SYNE1: variants seen among roughly 807,000 people sequenced by gnomAD.
SYNE1 encodes nesprin-1.
A neutral mutation model predicts 1,111.0 loss-of-function variants in SYNE1; 616 were observed. The observed-to-expected ratio is 0.55, with a 90% CI of 0.52 to 0.59. The LOEUF (loss-of-function observed/expected upper bound fraction) is 0.59, where lower values mean the gene tolerates loss of function less well. Among genes scored for constraint, SYNE1 ranks in the 20% least tolerant of loss-of-function variants. The pLI is 0.00. For synonymous variants in SYNE1, 3,855 were observed against 3,825.8 expected (o/e 1.01, Z -0.28); for missense variants, 10,006 against 10,417.0 (o/e 0.96, Z 1.72).
Position 152,462,803 on chromosome 6 carries a change from T to C in SYNE1, c.2185A>G (p.Lys729Glu), listed in dbSNP as rs747623591. The change falls in exon 20 of 146, where the codon AAG (lysine) becomes GAG (glutamate). Residue 729 changes from lysine (K) to glutamate (E), a missense_variant. Coordinates refer to ENST00000367255, the MANE Select transcript of SYNE1 (RefSeq NM_182961.4). ...TLSAFATEAH[K>E]KLSEPLEVSF... is the part of the protein sequence containing the mutation. ...ACTTCTAAGGGTTCAGAAAGTTTCT[T>C]ATGGGCTTCCGTTGCAAAAGCAGAC... The C allele has an allele frequency of 2.5e-6, 4 of 1,613,960 alleles. No homozygotes were observed. In the Admixed American group the frequency reaches 6.7e-5, roughly 27 times the overall value.
chr6:152,336,620 T>G (rs148616406), intron 76 of SYNE1: 7,759 of 613,610 alleles, frequency 0.013, 84 homozygotes, highest in Middle Eastern at 0.018. Context: ...GTTCAGGCAT[T>G]AATGCTTGCT....
chr6:152,325,007 G>C, intron 81 of SYNE1, 77 bp downstream of exon 81: 1 of 1,543,328 alleles, frequency 6.5e-7, no homozygotes, highest in Non-Finnish European at 8.9e-7. Context: ...ACTTCAAAAA[G>C]GGGCAAAATA....
intron 95 of SYNE1, among the ~76,000 whole-genome samples, chr6:152,285,273 G>A (rs1259871481): frequency 1.3e-5 from 2 of 152,012 alleles, no homozygotes; most frequent in African/African-American, 4.8e-5. Flanking sequence ...AATATATCTT[G>A]TATATCTGAA....
chr6:152,206,454 T>C, intron 125 of SYNE1, 92 bp from the exon 126 acceptor site: 1 of 1,405,428 alleles, frequency 7.1e-7, no homozygotes, highest in Non-Finnish European at 9.9e-7. Flanking sequence ...TTTTGCCCTC[T>C]TTCATCCAGC....
chr6:152,184,642 A>T (rs539511567), intron 128 of SYNE1, among the ~76,000 whole-genome samples: 7 of 144,426 alleles, frequency 4.8e-5, no homozygotes, highest in African/African-American at 1.8e-4. Flanking sequence ...ATAGATAGAT[A>T]GATAGATAGA....
intron 4 of SYNE1, among the ~76,000 whole-genome samples, chr6:152,535,781 T>C (rs1321927530): frequency 6.6e-6 from 1 of 152,232 alleles, no homozygotes; most frequent in Admixed American, 6.5e-5. Flanking sequence ...GATTGTTCCC[T>C]TTGGGTGGCT....
intron 3 of SYNE1, among the ~76,000 whole-genome samples, chr6:152,541,747 C>CAAAAAA (rs1267855271): frequency 2.5e-4 from 15 of 60,246 alleles, no homozygotes; most frequent in Non-Finnish European, 3.6e-4. Context: ...GACTCCATCT[C>CAAAAAA]AAAAAAAAAA....
chr6:152,463,977 T>C (rs1192004745), intron 18 of SYNE1, among the ~76,000 whole-genome samples: 6 of 152,192 alleles, frequency 3.9e-5, no homozygotes, highest in Non-Finnish European at 7.4e-5. Context: ...GGTGGTAAAG[T>C]TGGGGCTTTT....
rs1220700858 is a variant in SYNE1, at chr6:152,224,957, G to GTATATATATATATACATA, written c.21352-294_21352-293insTATGTATATATATATATA. On this transcript the variant is annotated intron_variant, in intron 116 of 145. Coordinates refer to ENST00000367255, the MANE Select transcript of SYNE1 (RefSeq NM_182961.4). Reference sequence around the variant, plus strand: ...TATACATATGTATACACATATATATGTGTATATATATATACATATATGTAT... The same window carrying GTATATATATATATACATA: ...TATACATATGTATACACATATATATGTATATATATATATACATATGTATATATATATACATATATGTAT... 3.6e-4 allele frequency among the ~76,000 whole-genome samples: 52 copies of GTATATATATATATACATA among 143,088 alleles called. 1 individual carries two copies. Among genetic ancestry groups the GTATATATATATATACATA allele is most frequent in the African/African-American group, 1.1e-3 (43 of 38,890 alleles). 93.9% of individuals were successfully genotyped at this position (143,088 alleles called of 152,430 possible).
At chr6:152,555,174 C>T (rs889138581) in intron 3 of SYNE1, among the ~76,000 whole-genome samples, 2 of 152,146 alleles carry the variant, frequency 1.3e-5, no homozygotes, top group Non-Finnish European at 1.5e-5. Flanking sequence ...ATTATTATAT[C>T]TTTGTCATAG....
chr6:152,422,683 A>T (rs1044693245), intron 39 of SYNE1, among the ~76,000 whole-genome samples: 6 of 151,938 alleles, frequency 3.9e-5, no homozygotes, highest in Non-Finnish European at 8.8e-5. Flanking sequence ...TTTGAAAAAA[A>T]TTTATTGTAA....
intron 22 of SYNE1, among the ~76,000 whole-genome samples, chr6:152,458,105 A>G (rs2098708129): frequency 6.6e-6 from 1 of 152,152 alleles, no homozygotes; most frequent in Non-Finnish European, 1.5e-5. Flanking sequence ...AAGCCCATAA[A>G]AAGTTTAATG....
At chr6:152,577,785 T>G (rs915640419) in intron 3 of SYNE1, among the ~76,000 whole-genome samples, 16 of 152,304 alleles carry the variant, frequency 1.1e-4, no homozygotes, top group East Asian at 9.6e-4. Flanking sequence ...GTTTTGTTTT[T>G]TTTTTTAATT....
intron 40 of SYNE1, among the ~76,000 whole-genome samples, chr6:152,417,492 C>T (rs955708453): frequency 5.1e-5 from 7 of 138,092 alleles, no homozygotes; most frequent in African/African-American, 1.1e-4. Flanking sequence ...TGTAAAACTC[C>T]GTCTCAAACA....
chr6:152,278,149 C>G lies in SYNE1; in HGVS notation c.18513G>C (p.Arg6171Ser), dbSNP rs764725032. 1 of 1,614,110 alleles carries G rather than the reference C, an allele frequency of 6.2e-7. No homozygotes were observed. The highest frequency in any genetic ancestry group is 1.7e-5 in the Admixed American group (1 of 60,020). The change falls in exon 98 of 146, where the codon AGG (arginine) becomes AGC (serine). Residue 6171 changes from arginine to serine, a missense_variant. This residue lies in a region of SYNE1 where 2,182 missense variants were observed against 2,287.8 expected (regional missense o/e 0.95). Transcript: ENST00000367255. The part of the protein sequence containing the change: ...EAEQLAGKLR[R>S]LKGSLLELQR... ...GCAGCTCCAGCAGGCTCCCCTTGAG[C>G]CTTCTCAGCTTTCCAGCCAGCTGCT...
rs764294406 is a variant in SYNE1 at position 152,373,158 on chromosome 6, T to G, written c.9386A>C (p.Glu3129Ala). The change falls in exon 59 of 146, where the codon GAA becomes GCA. Residue 3129 changes from glutamate (E) to alanine (A), a missense_variant. By Grantham distance (107) the Glu-to-Ala change is moderately radical. Around this residue, in one of 7 missense-constraint regions of SYNE1, gnomAD observed 4,955 missense variants for 5,017.2 expected, o/e 0.99. Transcript: ENST00000367255. The stretch of plus-strand genomic sequence containing the variant: ...TTTGGTCAGCAGGGTACTCAGAAGT[T>G]CCCCTTTAGACAGCATCATGTTTAG... ...HKLNMMLSKG[E>A]LLSTLLTKEK... 8.7e-6 allele frequency: 14 copies of G among 1,614,058 alleles called. 2 individuals carry two copies. The South Asian group carries it at 1.5e-4, about 18-fold the overall frequency.
chr6:152,345,126 A>G (rs891742254), intron 73 of SYNE1, among the ~76,000 whole-genome samples: 27 of 152,272 alleles, frequency 1.8e-4, no homozygotes, highest in African/African-American at 5.8e-4. Context: ...TGTTCTCTTT[A>G]TCACTTTTGC....
In SYNE1 at chr6:152,139,940, G is replaced by A; in HGVS notation, c.25458+10C>T. 6.2e-7 allele frequency: 1 copy of A among 1,612,752 alleles called. No homozygotes were observed. ...GTTTGTCCGCCGTGGGAAAGGCAAG[G>A]GGCAGCTACCTTGAGCTTTTTGATC... On this transcript the variant is annotated intron_variant, in intron 140 of 145. Transcript: ENST00000367255.
At chr6:152,276,109 A>G (rs2093612599) in intron 98 of SYNE1, among the ~76,000 whole-genome samples, 1 of 138,064 alleles carries the variant, frequency 7.2e-6, no homozygotes, top group African/African-American at 2.8e-5. Context: ...ATCTCGGCTC[A>G]CTGCAACCTC....
Sources: allele counts gnomAD v4.1 joint callset (sites outside exome capture counted in the v4.1 genomes callset), GRCh38; gene constraint gnomAD v4.1.1; regional missense constraint gnomAD v4.1.1; transcripts MANE v1.5; gene names NCBI Gene and HGNC (gene_info 2026-07-23, HGNC 2026-07-21).